Variants in CUL3 observed in about 807,000 individuals in gnomAD.
CUL3 encodes cullin-3.
CUL3 carries 19 observed loss-of-function variants against 89.1 expected under a neutral mutation model. That is an observed-to-expected ratio of 0.21 (90% CI 0.15 to 0.31). CUL3 has a LOEUF of 0.31. Ranked by LOEUF, CUL3 falls within the 10% of genes least tolerant of loss-of-function variation. CUL3 has a pLI of 1.00. For missense variants in CUL3, 469 were observed against 942.3 expected, an observed-to-expected ratio of 0.50 and a Z score of 6.58; for synonymous variants, 351 against 308.4, an observed-to-expected ratio of 1.14 and a Z score of -1.45.
At chr2:224,478,094 A>G in intron 15 of CUL3, 106 bp downstream of exon 15, 1 of 1,165,918 alleles carries the variant, frequency 8.6e-7, no homozygotes, top group Admixed American at 2.5e-5. Context: ...TTACATCACT[A>G]GGATTTCTTA....
At chr2:224,515,043 CAG>C (rs1374484806) in intron 3 of CUL3, among the ~76,000 whole-genome samples, 2 of 151,958 alleles carry the variant, frequency 1.3e-5, no homozygotes, top group African/African-American at 2.4e-5. Flanking sequence ...AAGAAAAAAA[CAG>C]AGTAAAAAAA....
At chr2:224,566,207 C>CCCTTA (rs1358553231) in intron 1 of CUL3, among the ~76,000 whole-genome samples, 1 of 152,206 alleles carries the variant, frequency 6.6e-6, no homozygotes, top group African/African-American at 2.4e-5. Context: ...AAAAGGCAAT[C>CCCTTA]CCTTACTGAC....
chr2:224,563,658 T>G (rs1337710013), intron 1 of CUL3, among the ~76,000 whole-genome samples: 1 of 152,246 alleles, frequency 6.6e-6, no homozygotes, highest in East Asian at 1.9e-4. Context: ...TGCCATTTTA[T>G]GTAGTATGAT....
intron 1 of CUL3, among the ~76,000 whole-genome samples, chr2:224,573,779 T>C (rs1695239652): frequency 6.6e-6 from 1 of 152,150 alleles, no homozygotes; most frequent in Non-Finnish European, 1.5e-5. Context: ...ATCATAAATA[T>C]TTTACTAGTC....
At chr2:224,498,614 C>T (rs1386817679) in intron 11 of CUL3, among the ~76,000 whole-genome samples, 2 of 152,174 alleles carry the variant, frequency 1.3e-5, no homozygotes, top group Admixed American at 1.3e-4. Flanking sequence ...ACTAGTTGGA[C>T]AGCAGACATA....
intron 2 of CUL3, among the ~76,000 whole-genome samples, chr2:224,542,477 G>A (rs1021605972): frequency 4.0e-5 from 6 of 149,694 alleles, no homozygotes; most frequent in African/African-American, 1.0e-4. Context: ...AGCAGCACGC[G>A]CCAGCACTTC....
chr2:224,506,782 A>C, intron 7 of CUL3, 76 bp downstream of exon 7: 1 of 1,252,122 alleles, frequency 8.0e-7, no homozygotes, highest in Non-Finnish European at 1.1e-6. Context: ...AATACACAGC[A>C]TGGTAAAAGT....
intron 1 of CUL3, among the ~76,000 whole-genome samples, chr2:224,558,876 CAAAAAATATACTAAAT>C (rs1195744712): frequency 8.7e-5 from 1 of 11,432 alleles, no homozygotes; most frequent in African/African-American, 1.5e-3. Flanking sequence ...ACTAAATATA[CAAAAAATATACTAAAT>C]ATACAAAAAA....
intron 3 of CUL3, among the ~76,000 whole-genome samples, chr2:224,534,492 T>C (rs1230586366): frequency 6.6e-6 from 1 of 152,180 alleles, no homozygotes; most frequent in Non-Finnish European, 1.5e-5. Flanking sequence ...GATGTAAGAA[T>C]TAAGGATTTA....
intron 1 of CUL3, among the ~76,000 whole-genome samples, chr2:224,583,709 G>C (rs764125042): frequency 6.6e-6 from 1 of 152,146 alleles, no homozygotes; most frequent in Non-Finnish European, 1.5e-5. Context: ...TCTGCATGAG[G>C]TGTATCCTTT....
intron 3 of CUL3, among the ~76,000 whole-genome samples, chr2:224,533,664 AAAC>A (rs369504992): frequency 9.2e-5 from 14 of 152,214 alleles, no homozygotes; most frequent in Admixed American, 2.0e-4. Context: ...AGAACTTCGA[AAAC>A]AACAAGCTAA....
chr2:224,501,946 TAAA>T (rs1018615699), intron 10 of CUL3, among the ~76,000 whole-genome samples: 5 of 152,160 alleles, frequency 3.3e-5, no homozygotes, highest in African/African-American at 1.2e-4. Flanking sequence ...TATAAATTCC[TAAA>T]CAATCTAAAA....
At chr2:224,527,632 C>CATTAGA (rs1693526950) in intron 3 of CUL3, among the ~76,000 whole-genome samples, 1 of 152,160 alleles carries the variant, frequency 6.6e-6, no homozygotes, top group Non-Finnish European at 1.5e-5. Context: ...ATAAGCAAAC[C>CATTAGA]TTGAACCTCA....
intron 9 of CUL3, 95 bp downstream of exon 9, chr2:224,503,557 A>T: frequency 9.6e-7 from 1 of 1,043,722 alleles, no homozygotes; most frequent in Non-Finnish European, 1.3e-6. Flanking sequence ...TAAACACTTA[A>T]TAATCTACCA....
At chr2:224,493,259 T>A (rs1460453675) in intron 13 of CUL3, among the ~76,000 whole-genome samples, 1 of 152,232 alleles carries the variant, frequency 6.6e-6, no homozygotes, top group African/African-American at 2.4e-5. Flanking sequence ...TATTCAAAAA[T>A]AAAAGTTCAC....
At chr2:224,495,757 C>CA (rs1351634124) in intron 13 of CUL3, 75 bp downstream of exon 13, 10 of 1,295,712 alleles carry the variant, frequency 7.7e-6, no homozygotes, top group Non-Finnish European at 9.7e-6. Flanking sequence ...AAAGGTTATT[C>CA]AAATAAGAAA....
chr2:224,536,367 C>T (rs1174637787), intron 2 of CUL3, among the ~76,000 whole-genome samples: 1 of 152,158 alleles, frequency 6.6e-6, no homozygotes, highest in African/African-American at 2.4e-5. Context: ...AGAAGTCTTT[C>T]CCAACCAATT....
chr2:224,554,047 CG>C (rs1694612888), intron 2 of CUL3, among the ~76,000 whole-genome samples: 1 of 152,044 alleles, frequency 6.6e-6, no homozygotes, highest in Admixed American at 6.6e-5. Context: ...ACTTGGTCAC[CG>C]AAACACTGAT....
At chr2:224,484,627 A>T (rs1691651880) in intron 13 of CUL3, among the ~76,000 whole-genome samples, 1 of 152,138 alleles carries the variant, frequency 6.6e-6, no homozygotes, top group African/African-American at 2.4e-5. Context: ...TACATTTTTA[A>T]AAAGACATTT....
Sources: allele counts gnomAD v4.1 joint callset (sites outside exome capture counted in the v4.1 genomes callset), GRCh38; gene constraint gnomAD v4.1.1; transcripts MANE v1.5; gene names NCBI Gene and HGNC (gene_info 2026-07-23, HGNC 2026-07-21).